Variants in STARD7 observed in about 807,000 individuals in gnomAD.
STARD7 encodes StAR related lipid transfer domain containing 7, also known as stAR-related lipid transfer protein 7, mitochondrial.
A neutral mutation model predicts 45.3 loss-of-function variants in STARD7; 30 were observed. That is an observed-to-expected ratio of 0.66 (90% CI 0.50 to 0.90). STARD7 has a LOEUF of 0.90. STARD7 is among the 40% of genes least tolerant of loss of function. The pLI is 0.00. For synonymous variants in STARD7, 199 were observed against 183.0 expected, an observed-to-expected ratio of 1.09 and a Z score of -0.70; for missense variants, 495 against 491.3, an observed-to-expected ratio of 1.01 and a Z score of -0.07.
Position 96,208,545 on chromosome 2 carries a change from C to T in STARD7, c.-111G>A. Reference sequence around the variant, plus strand: ...TAAATGGCCGGCCACGAACCCGTCTCACGGTCCCGCGGCCAGGAGCCGCCG... The same window carrying T: ...TAAATGGCCGGCCACGAACCCGTCTTACGGTCCCGCGGCCAGGAGCCGCCG... On this transcript the variant is annotated 5_prime_UTR_variant, in exon 1 of 8. The change abolishes the stop of an existing upstream ORF in the 5' untranslated region. Transcript: ENST00000337288. 2.0e-6 allele frequency: 2 copies of T among 1,008,162 alleles called. No individual in the cohort carries two copies. The highest frequency in any genetic ancestry group is 2.7e-6 in the Non-Finnish European group (2 of 751,412). 62.5% of individuals were successfully genotyped at this position (1,008,162 alleles called of 1,614,324 possible). A position where few individuals can be genotyped will look rare whatever the true frequency, so the allele number is the denominator to read the frequency against.
chr2:96,199,981 C>T (rs886752576), intron 1 of STARD7, among the ~76,000 whole-genome samples: 4 of 152,118 alleles, frequency 2.6e-5, no homozygotes, highest in Admixed American at 2.6e-4. Context: ...TATGAAGAAC[C>T]GACCTTGCCG....
Position 96,208,349 on chromosome 2 carries a change from A to G in STARD7, c.86T>C (p.Phe29Ser), listed in dbSNP as rs1474961183. Reference protein sequence around the residue: ...LLALLANQCRFVTGLRVRRAQ... With the variant: ...LLALLANQCRSVTGLRVRRAQ... ...GCGCCGCACGCGCAGGCCCGTGACG[A>G]AGCGGCACTGATTGGCCAGAAGCGC... The change falls in exon 1 of 8, where the codon TTC becomes TCC. Residue 29 changes from phenylalanine (F) to serine (S), a missense_variant. By Grantham distance (155) the Phe-to-Ser change is radical (BLOSUM62 -2). This residue lies in a region of STARD7 where 282 missense variants were observed against 220.1 expected (regional missense o/e 1.28). Transcript: ENST00000337288. 6.3e-7 allele frequency: 1 copy of G among 1,591,666 alleles called. No individual in the cohort carries two copies. Among genetic ancestry groups the G allele is most frequent in the South Asian group, 1.1e-5 (1 of 88,954 alleles).
chr2:96,196,040 G>A (rs1346175144), intron 1 of STARD7, among the ~76,000 whole-genome samples: 1 of 150,772 alleles, frequency 6.6e-6, no homozygotes, highest in South Asian at 2.1e-4. Context: ...TTGAACCTGG[G>A]AGGCAGAGGT....
intron 1 of STARD7, among the ~76,000 whole-genome samples, chr2:96,203,969 C>CA (rs397786521): frequency 2.0e-5 from 3 of 149,392 alleles, no homozygotes; most frequent in Non-Finnish European, 4.5e-5. Context: ...CCATACCCCC[C>CA]AAAAAAAGAC....
chr2:96,196,433 C>A (rs552131736), intron 1 of STARD7, among the ~76,000 whole-genome samples: 1 of 152,262 alleles, frequency 6.6e-6, no homozygotes, highest in East Asian at 1.9e-4. Context: ...GTACTCCAGT[C>A]TGGGCAATAC....
Position 96,185,300 on chromosome 2 carries a change from C to G in STARD7, c.*1430G>C, listed in dbSNP as rs574797819. 1.3e-5 allele frequency: 2 copies of G among 152,464 alleles called. No homozygotes were observed. The highest frequency in any genetic ancestry group is 4.8e-5 in the African/African-American group (2 of 41,462). 9.4% of individuals were successfully genotyped at this position (152,464 alleles called of 1,614,324 possible). On this transcript the variant is annotated 3_prime_UTR_variant, in exon 8 of 8. Transcript: ENST00000337288. ...CCTTGGCACAAAAATGAACAGGCAA[C>G]AAGAAGGTCAAGGAAGTGTTTAAGT...
At chr2:96,196,113 C>CAAAAAAAAAAA (rs113641896) in intron 1 of STARD7, among the ~76,000 whole-genome samples, 1 of 83,408 alleles carries the variant, frequency 1.2e-5, no homozygotes, top group African/African-American at 4.8e-5. Context: ...ACTCTTGTCT[C>CAAAAAAAAAAA]AAAAAAAAAA....
chr2:96,200,602 C>T (rs1049969464), intron 1 of STARD7, among the ~76,000 whole-genome samples: 2 of 152,038 alleles, frequency 1.3e-5, no homozygotes, highest in African/African-American at 2.4e-5. Context: ...TTGCAACGCT[C>T]GTGTTATTAT....
intron 1 of STARD7, among the ~76,000 whole-genome samples, chr2:96,201,940 C>T (rs1015258925): frequency 3.9e-5 from 6 of 152,100 alleles, no homozygotes; most frequent in African/African-American, 1.2e-4. Flanking sequence ...TACAGCTGAC[C>T]AGCTGTGTGA....
intron 6 of STARD7, among the ~76,000 whole-genome samples, chr2:96,190,449 T>C (rs2104175136): frequency 6.6e-6 from 1 of 151,408 alleles, no homozygotes; most frequent in South Asian, 2.1e-4. Flanking sequence ...CATTCTCTCC[T>C]GCCTCAGCCT....
chr2:96,202,132 A>G (rs1683313916), intron 1 of STARD7, among the ~76,000 whole-genome samples: 1 of 152,134 alleles, frequency 6.6e-6, no homozygotes, highest in South Asian at 2.1e-4. Flanking sequence ...AGGTGAATGC[A>G]GCCCCCCTCC....
At chr2:96,205,497 G>C (rs1413929213) in intron 1 of STARD7, among the ~76,000 whole-genome samples, 2 of 152,150 alleles carry the variant, frequency 1.3e-5, no homozygotes, top group African/African-American at 4.8e-5. Flanking sequence ...GTGATTTAGG[G>C]GCCATGTGAC....
In STARD7 at chr2:96,208,423, C is replaced by A; in HGVS notation, c.12G>T (p.Arg4=). ...CCGCCAGCCAGGCGGCCAGCAGCCT[C>A]CGCGGGAGCATGCCGCCTCCCGCAG... MLP[R]RLLAAWLAGT... The change falls in exon 1 of 8, where the codon CGG becomes CGT. Residue 4 remains arginine, a synonymous_variant. Transcript: ENST00000337288. The A allele has an allele frequency of 7.2e-7, 1 of 1,391,602 alleles. No individual in the cohort carries two copies. The highest frequency in any genetic ancestry group is 9.2e-7 in the Non-Finnish European group (1 of 1,084,260). The allele number at this position is 1,391,602 out of a possible 1,614,324, so 86.2% of individuals were successfully genotyped here.
intron 1 of STARD7, among the ~76,000 whole-genome samples, chr2:96,205,065 G>GT (rs1683367608): frequency 6.6e-6 from 1 of 152,036 alleles, no homozygotes; most frequent in Non-Finnish European, 1.5e-5. Flanking sequence ...CATGACTACT[G>GT]TATTTTTCCA....
chr2:96,195,882 A>G (rs972240722), intron 1 of STARD7, among the ~76,000 whole-genome samples: 1 of 152,060 alleles, frequency 6.6e-6, no homozygotes, highest in Admixed American at 6.6e-5. Context: ...TGGGAGGCAG[A>G]AGAGGGTGGA....
chr2:96,195,068 T>C, intron 2 of STARD7, 61 bp from the exon 3 acceptor site: 1 of 1,457,238 alleles, frequency 6.9e-7, no homozygotes. Flanking sequence ...CCTTGTTTCT[T>C]TCACCTAGCG....
Position 96,208,320 on chromosome 2 carries a change from GCGCGCGCCGC to G in STARD7, c.105_114del (p.Arg36SerfsTer37), listed in dbSNP as rs1683435854. 1 of 1,605,924 alleles carries G rather than the reference GCGCGCGCCGC, an allele frequency of 6.2e-7. No individual in the cohort carries two copies. The highest frequency in any genetic ancestry group is 8.5e-7 in the Non-Finnish European group (1 of 1,178,152). On this transcript the variant is annotated frameshift_variant, in exon 1 of 8. Coordinates refer to ENST00000337288, the MANE Select transcript of STARD7 (RefSeq NM_020151.4). LOFTEE classifies it high-confidence loss of function. ...CGGCCGTAGAGCTGCGCGATCTGCTGCGCGCGCCGCACGCGCAGGCCCGTGACGAAGCGGC... is the reference window on the plus strand; with the variant it reads ...CGGCCGTAGAGCTGCGCGATCTGCTGACGCGCAGGCCCGTGACGAAGCGGC...
chr2:96,187,746 TC>T (rs1347767627), intron 6 of STARD7: 1 of 150,274 alleles, frequency 6.7e-6, no homozygotes, highest in Non-Finnish European at 1.5e-5. Flanking sequence ...TCACCTGAGG[TC>T]AAGAGTTCAA....
At chr2:96,192,951 A>C (rs1683148074) in intron 5 of STARD7, 127 bp downstream of exon 5, 1 of 689,698 alleles carries the variant, frequency 1.4e-6, no homozygotes, top group African/African-American at 1.8e-5. Flanking sequence ...GCTGGATGGA[A>C]GGGGCACTGG....
Sources: gnomAD v4.1 joint callset for allele counts (sites outside exome capture counted in the v4.1 genomes callset) on GRCh38, gnomAD v4.1.1 for gene constraint, gnomAD v4.1.1 regional missense constraint, MANE v1.5 for transcripts, NCBI Gene and HGNC (gene_info 2026-07-23, HGNC 2026-07-21) for gene names.